Variants in PHACTR3 observed in about 807,000 individuals in gnomAD.
PHACTR3 encodes phosphatase and actin regulator 3.
PHACTR3 carries 16 observed loss-of-function variants against 66.8 expected under a neutral mutation model. That is an observed-to-expected ratio of 0.24 (90% CI 0.16 to 0.36). The LOEUF (loss-of-function observed/expected upper bound fraction) is 0.36. PHACTR3 is among the 10% of genes least tolerant of loss of function. The pLI is 1.00. For synonymous variants in PHACTR3, 323 were observed against 292.1 expected, an observed-to-expected ratio of 1.11 and a Z score of -1.08; for missense variants, 647 against 719.9, an observed-to-expected ratio of 0.90 and a Z score of 1.16.
chr20:59,761,139 A>G (rs951529273), intron 4 of PHACTR3, among the ~76,000 whole-genome samples: 3 of 152,142 alleles, frequency 2.0e-5, no homozygotes, highest in Non-Finnish European at 4.4e-5. Context: ...GCTTCAGGTC[A>G]GATACTGCCC....
chr20:59,687,933 A>G (rs1316003223), intron 1 of PHACTR3, among the ~76,000 whole-genome samples: 2 of 152,144 alleles, frequency 1.3e-5, no homozygotes, highest in African/African-American at 2.4e-5. Context: ...GTGGTTGTAT[A>G]TGGAGGAGAA....
At chr20:59,766,526 G>T (rs1052202018) in intron 4 of PHACTR3, among the ~76,000 whole-genome samples, 10 of 152,174 alleles carry the variant, frequency 6.6e-5, no homozygotes, top group African/African-American at 2.4e-4. Flanking sequence ...TGGGCAGGCT[G>T]AGGGGTGGTT....
chr20:59,674,441 T>C (rs2036319171), intron 1 of PHACTR3, among the ~76,000 whole-genome samples: 1 of 139,352 alleles, frequency 7.2e-6, no homozygotes, highest in Admixed American at 7.2e-5. Context: ...CCTTCTCCTG[T>C]TCCTTCCCCT....
At chr20:59,676,809 A>T in intron 1 of PHACTR3, 1 of 867,544 alleles carries the variant, frequency 1.2e-6, no homozygotes, top group Non-Finnish European at 1.4e-6. Context: ...GAGGGCAGGG[A>T]CTCTGCTTAG....
intron 1 of PHACTR3, among the ~76,000 whole-genome samples, chr20:59,596,156 G>C (rs549223682): frequency 3.3e-5 from 5 of 151,810 alleles, no homozygotes; most frequent in Non-Finnish European, 5.9e-5. Context: ...TTCTTTTTTC[G>C]GACAGAGCTC....
intron 1 of PHACTR3, among the ~76,000 whole-genome samples, chr20:59,634,621 A>G (rs1488535509): frequency 6.6e-6 from 1 of 152,022 alleles, no homozygotes; most frequent in Non-Finnish European, 1.5e-5. Context: ...TAAACTGTTT[A>G]CTCTCTGGCC....
chr20:59,758,573 CA>C lies in PHACTR3; in HGVS notation c.541+3210del, dbSNP rs1371396140. ...TCATGCTGGGGATAACAAGAGGTGA[CA>C]CAAGTGGCTGCCTGCATGCAGGGTT... On this transcript the variant is annotated intron_variant, in intron 4 of 12. Transcript: ENST00000371015. Among the ~76,000 whole-genome samples, 5 of 152,156 alleles carry C rather than the reference CA, an allele frequency of 3.3e-5. No individual in the cohort carries two copies. The South Asian group carries it at 1.0e-3, about 32-fold the overall frequency.
At position 59,809,118 on chromosome 20, in the gene PHACTR3, C is replaced by T. The variant is rs185163690; in HGVS notation, c.1328+2924C>T. ...TCGAGGAAGGGTTGTTTCTGGTCTC[C>T]GCTGGGGAGCTTGAGCCCCAGTGTT... On this transcript the variant is annotated intron_variant, in intron 8 of 12. Transcript: ENST00000371015. 6.0e-4 allele frequency among the ~76,000 whole-genome samples: 92 copies of T among 152,194 alleles called. 1 individual carries two copies. Among genetic ancestry groups the T allele is most frequent in the African/African-American group, 2.1e-3 (87 of 41,522 alleles).
At chr20:59,818,598 C>T (rs1228438063) in intron 8 of PHACTR3, among the ~76,000 whole-genome samples, 1 of 152,200 alleles carries the variant, frequency 6.6e-6, no homozygotes, top group Non-Finnish European at 1.5e-5. Context: ...AGCTGTATCT[C>T]CAGTCCCTAG....
chr20:59,669,446 T>C (rs2036115323), intron 1 of PHACTR3, among the ~76,000 whole-genome samples: 1 of 152,250 alleles, frequency 6.6e-6, no homozygotes. Flanking sequence ...AAGTTTTCTT[T>C]CAATTCTTTT....
chr20:59,810,916 G>A (rs1456891524), intron 8 of PHACTR3, among the ~76,000 whole-genome samples: 1 of 152,244 alleles, frequency 6.6e-6, no homozygotes, highest in African/African-American at 2.4e-5. Context: ...AGAGGCACGG[G>A]CTGTTTTGCC....
chr20:59,675,069 TC>T (rs1471598297), intron 1 of PHACTR3, among the ~76,000 whole-genome samples: 2 of 94,746 alleles, frequency 2.1e-5, no homozygotes, highest in African/African-American at 9.1e-5. Flanking sequence ...CTTTTCCCCC[TC>T]TCTTTTCCTC....
At chr20:59,610,347 C>T (rs2033810397) in intron 1 of PHACTR3, among the ~76,000 whole-genome samples, 1 of 152,212 alleles carries the variant, frequency 6.6e-6, no homozygotes, top group African/African-American at 2.4e-5. Context: ...TAGGATCTGC[C>T]AGGTACCTGG....
At chr20:59,751,463 C>T (rs548306275) in intron 3 of PHACTR3, among the ~76,000 whole-genome samples, 29 of 152,240 alleles carry the variant, frequency 1.9e-4, no homozygotes, top group South Asian at 1.0e-3. Context: ...CCTGCACACG[C>T]GCATGTATGC....
chr20:59,676,938 G>A (rs982531106), intron 1 of PHACTR3, among the ~76,000 whole-genome samples: 1 of 151,890 alleles, frequency 6.6e-6, no homozygotes, highest in Non-Finnish European at 1.5e-5. Flanking sequence ...TGGGGTGAGG[G>A]GTGGGGGCTG....
intron 1 of PHACTR3, among the ~76,000 whole-genome samples, chr20:59,683,099 G>A (rs944513833): frequency 1.3e-5 from 2 of 152,230 alleles, no homozygotes; most frequent in Non-Finnish European, 2.9e-5. Flanking sequence ...GTAGAATGAT[G>A]CAGTTGGCTG....
chr20:59,777,213 A>G (rs1047087681), intron 7 of PHACTR3, among the ~76,000 whole-genome samples: 2 of 152,132 alleles, frequency 1.3e-5, no homozygotes, highest in Non-Finnish European at 2.9e-5. Flanking sequence ...TATTGCAGGC[A>G]GGGCCCATCT....
intron 1 of PHACTR3, among the ~76,000 whole-genome samples, chr20:59,616,654 C>T (rs1384037668): frequency 6.6e-6 from 1 of 152,156 alleles, no homozygotes; most frequent in Non-Finnish European, 1.5e-5. Context: ...GCTGTGGCTG[C>T]GCTGAGCTGA....
At chr20:59,648,944 T>C (rs2035373940) in intron 1 of PHACTR3, among the ~76,000 whole-genome samples, 1 of 152,176 alleles carries the variant, frequency 6.6e-6, no homozygotes, top group African/African-American at 2.4e-5. Flanking sequence ...TTGTTCCGGC[T>C]TGGGAATGTC....
Sources: gnomAD v4.1 joint callset for allele counts (sites outside exome capture counted in the v4.1 genomes callset) on GRCh38, gnomAD v4.1.1 for gene constraint, MANE v1.5 for transcripts, NCBI Gene and HGNC (gene_info 2026-07-23, HGNC 2026-07-21) for gene names.